MUC13: variants seen among roughly 807,000 people sequenced by gnomAD.
MUC13 encodes mucin 13, cell surface associated, also known as mucin-13.
MUC13 carries 32 observed loss-of-function variants against 48.3 expected under a neutral mutation model. The observed-to-expected ratio is 0.66, with a 90% confidence interval of 0.50 to 0.89. The LOEUF (loss-of-function observed/expected upper bound fraction) is 0.89, where lower values mean the gene tolerates loss of function less well. Ranked by LOEUF, MUC13 falls within the 40% of genes least tolerant of loss-of-function variation. The pLI is 0.00. For missense variants in MUC13, 571 were observed against 622.8 expected, an observed-to-expected ratio of 0.92 and a Z score of 0.88; for synonymous variants, 199 against 224.9, an observed-to-expected ratio of 0.88 and a Z score of 1.03.
Position 124,928,002 on chromosome 3 carries a change from A to G in MUC13, c.53-9T>C, listed in dbSNP as rs1197546109. On this transcript the variant is annotated splice_polypyrimidine_tract_variant and intron_variant, in intron 1 of 11. Transcript: ENST00000616727. ...GTTGCCTTGGTTGGTGGCTGGAGGA[A>G]CAAAGATACCAAGTTTGAGGAGACA... 6.5e-7 allele frequency: 1 copy of G among 1,527,212 alleles called. No homozygotes were observed. The allele number at this position is 1,527,212 out of a possible 1,614,324, so 94.6% of individuals were successfully genotyped here.
At chr3:124,910,648 T>A in intron 9 of MUC13, 149 bp from the exon 10 acceptor site, 1 of 1,277,172 alleles carries the variant, frequency 7.8e-7, no homozygotes, top group Non-Finnish European at 1.1e-6. Context: ...GTAGTTGGCC[T>A]ATTTCCTTTA....
At chr3:124,922,509 T>C (rs1269898124) in intron 3 of MUC13, among the ~76,000 whole-genome samples, 1 of 152,140 alleles carries the variant, frequency 6.6e-6, no homozygotes. Flanking sequence ...CATTTACAGT[T>C]TACATTGTTG....
At chr3:124,920,975 CACGT>C (rs1476494351) in intron 4 of MUC13, among the ~76,000 whole-genome samples, 1 of 152,242 alleles carries the variant, frequency 6.6e-6, no homozygotes, top group Non-Finnish European at 1.5e-5. Flanking sequence ...CTAGCGTTGT[CACGT>C]ACTGGCTGGC....
At position 124,906,110 on chromosome 3, in the gene MUC13, C is replaced by T. The variant is rs1026842412; in HGVS notation, c.*633G>A. 1 of 152,656 alleles carries T rather than the reference C, an allele frequency of 6.6e-6. No homozygotes were observed. Among genetic ancestry groups the T allele is most frequent in the Non-Finnish European group, 1.5e-5 (1 of 68,052 alleles). 9.5% of individuals were successfully genotyped at this position (152,656 alleles called of 1,614,324 possible). On this transcript the variant is annotated 3_prime_UTR_variant, in exon 12 of 12. Coordinates refer to ENST00000616727, the MANE Select transcript of MUC13 (RefSeq NM_033049.4). ...AAAAGTTCCTGGATTCCCAGGCACG[C>T]CTCCTGAAAAAGCTGAGAGATATGT...
At chr3:124,910,234 G>T (rs56699985) in intron 10 of MUC13, among the ~76,000 whole-genome samples, 181 bp downstream of exon 10, 2 of 152,010 alleles carry the variant, frequency 1.3e-5, no homozygotes, top group Non-Finnish European at 2.9e-5. Flanking sequence ...GTCCTGTGCC[G>T]CAGGAAAAGG....
chr3:124,929,462 G>A (rs1415574806), intron 1 of MUC13, among the ~76,000 whole-genome samples: 2 of 152,212 alleles, frequency 1.3e-5, no homozygotes. Context: ...TTAGGGTGCA[G>A]AGAACTGCAG....
At chr3:124,926,998 G>A (rs1935697698) in intron 2 of MUC13, among the ~76,000 whole-genome samples, 1 of 152,178 alleles carries the variant, frequency 6.6e-6, no homozygotes, top group Non-Finnish European at 1.5e-5. Flanking sequence ...CAATGGCCCT[G>A]GTTATGCCTA....
At chr3:124,925,294 C>G (rs934531060) in intron 2 of MUC13, among the ~76,000 whole-genome samples, 1 of 152,158 alleles carries the variant, frequency 6.6e-6, no homozygotes, top group Admixed American at 6.5e-5. Flanking sequence ...GTAAAAAGAT[C>G]TGTGGTTGCC....
At chr3:124,932,283 A>G (rs1935811071) in intron 1 of MUC13, among the ~76,000 whole-genome samples, 1 of 152,002 alleles carries the variant, frequency 6.6e-6, no homozygotes, top group African/African-American at 2.4e-5. Flanking sequence ...AATCAGATCC[A>G]GGCTGGGCGT....
intron 1 of MUC13, among the ~76,000 whole-genome samples, chr3:124,929,257 C>G (rs903298987): frequency 7.3e-5 from 11 of 151,282 alleles, no homozygotes; most frequent in African/African-American, 2.2e-4. Flanking sequence ...CTCACTGCAG[C>G]GCTGAAACTC....
In MUC13 at chr3:124,906,630, C is replaced by A. The variant is rs1159610492; in HGVS notation, c.*113G>T. ...GGCAGATGTCAGATGGAAGAAAAAC[C>A]CCGGAGGCCAGATCTTTACTGGTGC... On this transcript the variant is annotated 3_prime_UTR_variant, in exon 12 of 12. Coordinates refer to ENST00000616727, the MANE Select transcript of MUC13 (RefSeq NM_033049.4). 1 of 152,116 alleles carries A rather than the reference C, an allele frequency of 6.6e-6. No homozygotes were observed. Among genetic ancestry groups the A allele is most frequent in the Non-Finnish European group, 1.5e-5 (1 of 68,044 alleles). 9.4% of individuals were successfully genotyped at this position (152,116 alleles called of 1,614,324 possible).
intron 11 of MUC13, among the ~76,000 whole-genome samples, chr3:124,907,747 C>T (rs898982764): frequency 2.0e-5 from 3 of 152,116 alleles, no homozygotes; most frequent in African/African-American, 7.2e-5. Flanking sequence ...AAAAGGATCC[C>T]ACAGAACTAT....
In MUC13 at chr3:124,906,029, CTG is replaced by C. The variant is rs1344790115; in HGVS notation, c.*712_*713del. 1 of 152,638 alleles carries C rather than the reference CTG, an allele frequency of 6.6e-6. No homozygotes were observed. Among genetic ancestry groups the C allele is most frequent in the Non-Finnish European group, 1.5e-5 (1 of 68,070 alleles). 9.5% of individuals were successfully genotyped at this position (152,638 alleles called of 1,614,324 possible). ...CTTCTGCCTCCTAGCATTTCAAAAACTGTAGAGTGCACCCCATAGTGGACATT... is the reference window on the plus strand; with the variant it reads ...CTTCTGCCTCCTAGCATTTCAAAAACTAGAGTGCACCCCATAGTGGACATT... On this transcript the variant is annotated 3_prime_UTR_variant, in exon 12 of 12. Coordinates refer to ENST00000616727, the MANE Select transcript of MUC13 (RefSeq NM_033049.4).
chr3:124,931,161 G>T (rs906042314), intron 1 of MUC13, among the ~76,000 whole-genome samples: 1 of 152,072 alleles, frequency 6.6e-6, no homozygotes, highest in African/African-American at 2.4e-5. Context: ...GGCCAGGAGC[G>T]GTGGCTCATG....
chr3:124,914,359 G>A lies in MUC13; in HGVS notation c.965-678C>T, dbSNP rs576318836. On this transcript the variant is annotated intron_variant, in intron 6 of 11. Coordinates refer to ENST00000616727, the MANE Select transcript of MUC13 (RefSeq NM_033049.4). ...TAGGAGGCGGAGGTTGCAGTGAGCC[G>A]AGATCGTGCCATTGCACTCCAGCTC... is the stretch of plus-strand genomic sequence containing the variant. Among the ~76,000 whole-genome samples the A allele has an allele frequency of 1.2e-4, 18 of 151,926 alleles. No individual in the cohort carries two copies. In the East Asian group the frequency reaches 3.3e-3, roughly 28 times the overall value.
intron 6 of MUC13, among the ~76,000 whole-genome samples, 156 bp downstream of exon 6, chr3:124,916,161 A>G (rs1935507898): frequency 6.6e-6 from 1 of 152,256 alleles, no homozygotes. Flanking sequence ...GCAAGCGAAC[A>G]AGAAAAGGGA....
Position 124,927,937 on chromosome 3 carries a change from C to T in MUC13, c.109G>A (p.Gly37Ser). The stretch of plus-strand genomic sequence containing the variant: ...GTATCAGCTGCAGCTACTGTAGGAC[C>T]ACTAGTCGCAGTTTCTGTGGTTGTT... ...AVTTTETATS[G>S]PTVAAADTTE... Residue 37 changes from glycine to serine, a missense_variant, in exon 2 of 12, where the codon GGT becomes AGT. By Grantham distance (56) the Gly-to-Ser change is moderately conservative. Coordinates refer to ENST00000616727, the MANE Select transcript of MUC13 (RefSeq NM_033049.4). 4 of 1,590,424 alleles carry T rather than the reference C, an allele frequency of 2.5e-6. No individual in the cohort carries two copies. Among genetic ancestry groups the T allele is most frequent in the Non-Finnish European group, 3.4e-6 (4 of 1,168,414 alleles).
chr3:124,918,548 C>A (rs1935543385), intron 5 of MUC13, among the ~76,000 whole-genome samples: 1 of 152,168 alleles, frequency 6.6e-6, no homozygotes, highest in Non-Finnish European at 1.5e-5. Context: ...TACAGGGAAT[C>A]TTCCAAATTT....
At chr3:124,934,358 C>T (rs1466560796) in intron 1 of MUC13, among the ~76,000 whole-genome samples, 1 of 152,182 alleles carries the variant, frequency 6.6e-6, no homozygotes, top group Non-Finnish European at 1.5e-5. Flanking sequence ...TGGAGTTTCA[C>T]CATGTTGGCC....
Sources: allele counts gnomAD v4.1 joint callset (sites outside exome capture counted in the v4.1 genomes callset), GRCh38; gene constraint gnomAD v4.1.1; transcripts MANE v1.5; gene names NCBI Gene and HGNC (gene_info 2026-07-23, HGNC 2026-07-21).